Variants in FAM163B observed in about 807,000 individuals in gnomAD.
FAM163B encodes protein FAM163B.
In FAM163B, 4 loss-of-function variants were observed where a neutral mutation model predicts 7.6. The ratio of observed to expected loss-of-function variants is 0.52; its 90% CI spans 0.26 to 1.20. The LOEUF (loss-of-function observed/expected upper bound fraction) is 1.20, where lower values mean the gene tolerates loss of function less well. Ranked by LOEUF, FAM163B falls within the 50% of genes most tolerant of loss-of-function variation. The pLI is 0.14. For missense variants in FAM163B, 250 were observed against 243.0 expected (o/e 1.03, Z -0.19); for synonymous variants, 120 against 111.6 (o/e 1.07, Z -0.47).
At position 133,606,752 on chromosome 9, in the gene FAM163B, C is replaced by T. The variant is rs1831794830; in HGVS notation, c.-24+2325G>A. Among the ~76,000 whole-genome samples, 1 of 152,088 alleles carries T rather than the reference C, an allele frequency of 6.6e-6. No individual in the cohort carries two copies. The highest frequency in any genetic ancestry group is 6.5e-5 in the Admixed American group (1 of 15,282). ...GGACAGAACAAGGGCTCGGCTGCTG[C>T]TCTGCCTCCCCTCCTGCCCCGAGAG... is the stretch of plus-strand genomic sequence containing the variant. On this transcript the variant is annotated intron_variant, in intron 1 of 2. Coordinates refer to ENST00000673969, the MANE Select transcript of FAM163B (RefSeq NM_001080515.3). The surrounding 1 kb of genome is among the most constrained non-coding windows in gnomAD (Gnocchi z 4.0).
At chr9:133,596,782 G>A (rs964634305) in intron 1 of FAM163B, among the ~76,000 whole-genome samples, 12 of 152,210 alleles carry the variant, frequency 7.9e-5, no homozygotes, top group Admixed American at 3.9e-4. Context: ...TGAGTAGCTG[G>A]CTGAACAGTG....
At chr9:133,581,642 T>G (rs1330406834) in intron 1 of FAM163B, among the ~76,000 whole-genome samples, 2 of 152,166 alleles carry the variant, frequency 1.3e-5, no homozygotes, top group African/African-American at 4.8e-5. Context: ...CGCACCCCCA[T>G]GTTGTTTATT....
intron 1 of FAM163B, among the ~76,000 whole-genome samples, chr9:133,589,626 G>GCACACACACA (rs142297232): frequency 4.2e-4 from 24 of 57,798 alleles, no homozygotes; most frequent in East Asian, 2.4e-3. Context: ...GCGACACAGC[G>GCACACACACA]CGCACACACA....
In FAM163B at chr9:133,578,665, T is replaced by G. The variant is rs1588318876; in HGVS notation, c.*357A>C. Reference sequence around the variant, plus strand: ...AGAAGGGTGAGACCCAGGGAGGGGGTGACACATGGAGACCTCCTGGGAAGG... The same window carrying G: ...AGAAGGGTGAGACCCAGGGAGGGGGGGACACATGGAGACCTCCTGGGAAGG... On this transcript the variant is annotated 3_prime_UTR_variant, in exon 3 of 3. Coordinates refer to ENST00000673969, the MANE Select transcript of FAM163B (RefSeq NM_001080515.3). The G allele has an allele frequency of 3.9e-6, 1 of 255,900 alleles. No individual in the cohort carries two copies. The highest frequency in any genetic ancestry group is 1.4e-4 in the South Asian group (1 of 7,080). The allele number at this position is 255,900 out of a possible 1,614,324, so 15.9% of individuals were successfully genotyped here.
At chr9:133,587,692 T>C (rs1038530013) in intron 1 of FAM163B, among the ~76,000 whole-genome samples, 1 of 151,992 alleles carries the variant, frequency 6.6e-6, no homozygotes, top group Non-Finnish European at 1.5e-5. Flanking sequence ...GGTTGCTCCC[T>C]GGGCCTCCTG....
intron 1 of FAM163B, among the ~76,000 whole-genome samples, 116 bp downstream of exon 1, chr9:133,608,961 G>C (rs937502535): frequency 1.3e-5 from 2 of 152,252 alleles, no homozygotes; most frequent in African/African-American, 2.4e-5. Context: ...GACCTGGTGC[G>C]AGGCAGCCGG....
intron 1 of FAM163B, among the ~76,000 whole-genome samples, chr9:133,593,152 C>A (rs886978181): frequency 3.9e-5 from 6 of 152,192 alleles, no homozygotes; most frequent in Non-Finnish European, 7.3e-5. Flanking sequence ...GGTTTCCCCC[C>A]CTGTATCGCT....
chr9:133,590,472 A>G (rs1477402296), intron 1 of FAM163B, among the ~76,000 whole-genome samples: 1 of 152,120 alleles, frequency 6.6e-6, no homozygotes, highest in Non-Finnish European at 1.5e-5. Context: ...CAGCCGGCGC[A>G]GGCACTTTGA....
In FAM163B at chr9:133,597,888, GA is replaced by G. The variant is rs565341025; in HGVS notation, c.-24+11188del. On this transcript the variant is annotated intron_variant, in intron 1 of 2. Coordinates refer to ENST00000673969, the MANE Select transcript of FAM163B (RefSeq NM_001080515.3). Reference sequence around the variant, plus strand: ...ACCTGGAACGTGCAATCCAGAAAAAGAAAAAAAACCCTTCCAAAATGAAGGG... The same window carrying G: ...ACCTGGAACGTGCAATCCAGAAAAAGAAAAAAACCCTTCCAAAATGAAGGG... 1.6e-3 allele frequency among the ~76,000 whole-genome samples: 239 copies of G among 151,674 alleles called. 3 individuals are homozygous for G. Among genetic ancestry groups the G allele is most frequent in the African/African-American group, 5.6e-3 (231 of 41,356 alleles).
chr9:133,582,624 C>T (rs1357880232), intron 1 of FAM163B, among the ~76,000 whole-genome samples: 1 of 152,218 alleles, frequency 6.6e-6, no homozygotes, highest in Non-Finnish European at 1.5e-5. Flanking sequence ...AGCCATGGCC[C>T]TCTTCTTTGT....
At position 133,606,057 on chromosome 9, in the gene FAM163B, C is replaced by G. The variant is rs116589875; in HGVS notation, c.-24+3020G>C. 0.014 allele frequency among the ~76,000 whole-genome samples: 2,118 copies of G among 152,312 alleles called. 43 individuals are homozygous for G. The highest frequency in any genetic ancestry group is 0.046 in the African/African-American group (1,910 of 41,568). On this transcript the variant is annotated intron_variant, in intron 1 of 2. Coordinates refer to ENST00000673969, the MANE Select transcript of FAM163B (RefSeq NM_001080515.3). This position sits in a 1 kb window ranked among gnomAD's most constrained non-coding sequence, Gnocchi z 4.0. ...AAGCCCAACCACTGAGCAGGGCTTA[C>G]AAGCCTGGCGGAACCGGACCCCACC...
At chr9:133,605,595 G>T (rs1010882877) in intron 1 of FAM163B, among the ~76,000 whole-genome samples, 3 of 152,212 alleles carry the variant, frequency 2.0e-5, no homozygotes, top group African/African-American at 7.2e-5. Flanking sequence ...CTCCCCGAGG[G>T]CTGAGAGCGC....
intron 1 of FAM163B, among the ~76,000 whole-genome samples, chr9:133,583,910 G>A (rs371850756): frequency 7.9e-5 from 12 of 152,262 alleles, no homozygotes; most frequent in South Asian, 6.2e-4. Flanking sequence ...CACACACTCC[G>A]CTGGCAGCTC....
At chr9:133,590,343 C>CG (rs1831533549) in intron 1 of FAM163B, among the ~76,000 whole-genome samples, 1 of 151,542 alleles carries the variant, frequency 6.6e-6, no homozygotes, top group African/African-American at 2.4e-5. Context: ...GGAAGGCGGA[C>CG]GGGAGGGAGG....
rs1034593997 is a variant in FAM163B, at chr9:133,579,339, G to A, written c.184C>T (p.Arg62Cys). 1.5e-4 allele frequency: 242 copies of A among 1,613,612 alleles called. 1 individual carries two copies. The highest frequency in any genetic ancestry group is 2.0e-4 in the Non-Finnish European group (233 of 1,179,932). The stretch of plus-strand genomic sequence containing the variant: ...GGCCCGTTGGTCAGCACCAGGTTGC[G>A]GTTGGAGTGCAGCGGGGGCAGGTGC... ...HSHLPPLHSN[R>C]NLVLTNGPAL... The change falls in exon 3 of 3, where the codon CGC becomes TGC. Residue 62 changes from arginine to cysteine, a missense_variant. Coordinates refer to ENST00000673969, the MANE Select transcript of FAM163B (RefSeq NM_001080515.3).
At chr9:133,579,762 G>A (rs1831326307) in intron 2 of FAM163B, among the ~76,000 whole-genome samples, 1 of 152,208 alleles carries the variant, frequency 6.6e-6, no homozygotes, top group South Asian at 2.1e-4. Flanking sequence ...ACTGGCAGCT[G>A]TGTTGCCTCG....
At chr9:133,598,946 A>G (rs541449558) in intron 1 of FAM163B, among the ~76,000 whole-genome samples, 1 of 152,104 alleles carries the variant, frequency 6.6e-6, no homozygotes, top group South Asian at 2.1e-4. Flanking sequence ...CATCAGGGAG[A>G]GCCCAGGGCA....
At chr9:133,591,891 T>C (rs1226351632) in intron 1 of FAM163B, among the ~76,000 whole-genome samples, 1 of 152,140 alleles carries the variant, frequency 6.6e-6, no homozygotes, top group Non-Finnish European at 1.5e-5. Context: ...CCTCAGGGGT[T>C]GTCCCTTGGC....
intron 1 of FAM163B, among the ~76,000 whole-genome samples, chr9:133,598,179 G>C (rs1195870114): frequency 2.6e-5 from 4 of 152,068 alleles, no homozygotes; most frequent in Non-Finnish European, 5.9e-5. Flanking sequence ...TGCTCCTGGG[G>C]GACTGGGTGG....
Sources: allele counts gnomAD v4.1 joint callset (sites outside exome capture counted in the v4.1 genomes callset), GRCh38; gene constraint gnomAD v4.1.1; non-coding constraint Gnocchi (gnomAD v3.1); transcripts MANE v1.5; gene names NCBI Gene and HGNC (gene_info 2026-07-23, HGNC 2026-07-21).